The following CCDC14 variants were observed in gnomAD, a reference collection of about 807,000 sequenced individuals.
CCDC14 encodes the protein coiled-coil domain-containing protein 14.
Under a neutral mutation model 81.4 loss-of-function variants are expected in CCDC14, and 71 were observed. That is an observed-to-expected ratio of 0.87 (90% CI 0.72 to 1.06). The LOEUF (loss-of-function observed/expected upper bound fraction) is 1.06, where lower values mean the gene tolerates loss of function less well. Ranked by LOEUF, CCDC14 falls within the 50% of genes least tolerant of loss-of-function variation. The probability of loss-of-function intolerance (pLI) is 0.00; values close to 1 mark genes in which losing one functional copy is unlikely to be tolerated. For missense variants in CCDC14, 1,046 were observed against 1,047.3 expected (o/e 1.00, Z 0.02); for synonymous variants, 332 against 364.8 (o/e 0.91, Z 1.03).
intron 5 of CCDC14, among the ~76,000 whole-genome samples, chr3:123,902,513 G>A (rs921941676): frequency 6.6e-6 from 1 of 152,152 alleles, no homozygotes; most frequent in Non-Finnish European, 1.5e-5. Flanking sequence ...ACAATTCACA[G>A]GCAATAAGGA....
chr3:123,902,064 G>A (rs1282720278), intron 5 of CCDC14, among the ~76,000 whole-genome samples: 1 of 152,062 alleles, frequency 6.6e-6, no homozygotes, highest in African/African-American at 2.4e-5. Context: ...AATCATAACT[G>A]CAATGGATTC....
intron 2 of CCDC14, 27 bp from the exon 3 acceptor site, chr3:123,956,454 T>C (rs1249364434): frequency 2.7e-5 from 40 of 1,476,382 alleles, no homozygotes; most frequent in Non-Finnish European, 3.5e-5. Context: ...TTAATATTCT[T>C]ACAAATATTT....
the CCDC14 span, among the ~76,000 whole-genome samples, chr3:123,891,496 A>G: frequency 0.58 from 87,191 of 149,836 alleles, 25,234 homozygotes; most frequent in Admixed American, 0.63. Context: ...TAAATCATCT[A>G]TCTCAAGTTC....
chr3:123,904,235 A>G (rs1410077866), intron 5 of CCDC14, among the ~76,000 whole-genome samples: 3 of 152,104 alleles, frequency 2.0e-5, no homozygotes, highest in African/African-American at 7.2e-5. Context: ...AAATACAGAA[A>G]AGTTACATAT....
intron 12 of CCDC14, among the ~76,000 whole-genome samples, chr3:123,917,493 T>C (rs2148794599): frequency 7.0e-6 from 1 of 143,290 alleles, no homozygotes; most frequent in South Asian, 2.2e-4. Flanking sequence ...AAACTCCATC[T>C]CAACCAAAAA....
chr3:123,941,437 A>C (rs1301024614), intron 9 of CCDC14, among the ~76,000 whole-genome samples: 4 of 152,054 alleles, frequency 2.6e-5, no homozygotes, highest in Non-Finnish European at 5.9e-5. Flanking sequence ...CAGGAAAAAA[A>C]AAATACTTCT....
chr3:123,948,184 C>G (rs566587192), intron 7 of CCDC14, among the ~76,000 whole-genome samples: 1 of 151,750 alleles, frequency 6.6e-6, no homozygotes, highest in Admixed American at 6.6e-5. Context: ...GATCTCTTCC[C>G]CTCTTTCTCC....
At position 123,914,714 on chromosome 3, in the gene CCDC14, A is replaced by C; in HGVS notation, c.*65T>G. On this transcript the variant is annotated 3_prime_UTR_variant, in exon 13 of 13. Transcript: ENST00000409697. ...TAAAACATCATTTCACTAAAGAAAA[A>C]TACACATTCAATATAGCCAAGTTCT... The C allele has an allele frequency of 6.9e-7, 1 of 1,452,004 alleles. No individual in the cohort carries two copies. The highest frequency in any genetic ancestry group is 9.1e-7 in the Non-Finnish European group (1 of 1,103,326). 89.9% of individuals were successfully genotyped at this position (1,452,004 alleles called of 1,614,324 possible). A position where few individuals can be genotyped will look rare whatever the true frequency, so the allele number is the denominator to read the frequency against.
At chr3:123,956,477 ATTAG>A in intron 2 of CCDC14, 50 bp from the exon 3 acceptor site, 1 of 1,274,922 alleles carries the variant, frequency 7.8e-7, no homozygotes, top group Non-Finnish European at 1.1e-6. Flanking sequence ...CCCAAAATAT[ATTAG>A]TAAGTAGTCA....
At chr3:123,907,472 C>A (rs913411021) in intron 5 of CCDC14, among the ~76,000 whole-genome samples, 1 of 151,766 alleles carries the variant, frequency 6.6e-6, no homozygotes, top group African/African-American at 2.4e-5. Flanking sequence ...CATTGGGAGG[C>A]CAAGGCATGA....
At chr3:123,957,570 T>C (rs909784024) in intron 1 of CCDC14, 10 of 152,112 alleles carry the variant, frequency 6.6e-5, no homozygotes, top group African/African-American at 2.4e-4. Flanking sequence ...TTTCTTAAAC[T>C]TTTTTGTTTT....
chr3:123,924,955 AC>A, intron 12 of CCDC14, among the ~76,000 whole-genome samples: 1 of 68,602 alleles, frequency 1.5e-5, no homozygotes, highest in African/African-American at 1.2e-4. Context: ...ATACATATAT[AC>A]ACACACACAC....
At chr3:123,940,082 G>GAA (rs969847124) in intron 9 of CCDC14, among the ~76,000 whole-genome samples, 27 of 151,696 alleles carry the variant, frequency 1.8e-4, no homozygotes, top group Admixed American at 1.6e-3. Context: ...AAGAAGCTAA[G>GAA]GGTAGTAGGA....
intron 5 of CCDC14, among the ~76,000 whole-genome samples, chr3:123,898,316 A>G (rs1256813445): frequency 6.6e-6 from 1 of 152,284 alleles, no homozygotes; most frequent in Non-Finnish European, 1.5e-5. Flanking sequence ...TGTTTGACAC[A>G]GAATAATTGT....
Position 123,949,332 on chromosome 3 carries a change from C to T in CCDC14, c.353-200G>A, listed in dbSNP as rs2036870802. On this transcript the variant is annotated intron_variant, in intron 5 of 12. Coordinates refer to ENST00000409697, the MANE Select transcript of CCDC14 (RefSeq NM_001366335.1). ...TAATTAGTGTTTAAGTTTCCCCAGT[C>T]AAAAATCATCTATACTAATTCTTTA... The T allele has an allele frequency of 5.4e-6, 3 of 560,100 alleles. No individual in the cohort carries two copies. In the East Asian group the frequency reaches 8.6e-5, roughly 16 times the overall value. 34.7% of individuals were successfully genotyped at this position (560,100 alleles called of 1,614,324 possible).
intron 5 of CCDC14, 76 bp downstream of exon 5, chr3:123,955,767 T>C: frequency 1.6e-6 from 2 of 1,261,704 alleles, no homozygotes; most frequent in Non-Finnish European, 2.1e-6. Flanking sequence ...GAAAATCAAC[T>C]GTATAATCCT....
chr3:123,951,856 G>A (rs2037037848), intron 5 of CCDC14, among the ~76,000 whole-genome samples: 1 of 152,108 alleles, frequency 6.6e-6, no homozygotes, highest in South Asian at 2.1e-4. Flanking sequence ...GACATATTCT[G>A]CTCCTTTATA....
chr3:123,930,361 G>T (rs2035623044), intron 12 of CCDC14, among the ~76,000 whole-genome samples: 1 of 152,106 alleles, frequency 6.6e-6, no homozygotes, highest in Non-Finnish European at 1.5e-5. Context: ...TTTATATTTG[G>T]AACTTCTAGG....
intron 8 of CCDC14, among the ~76,000 whole-genome samples, chr3:123,945,886 T>C (rs1275670899): frequency 6.6e-6 from 1 of 152,108 alleles, no homozygotes; most frequent in Non-Finnish European, 1.5e-5. Flanking sequence ...ATCAGTAAAA[T>C]GGGAGTGGTA....
Sources: allele counts gnomAD v4.1 joint callset (sites outside exome capture counted in the v4.1 genomes callset), GRCh38; gene constraint gnomAD v4.1.1; transcripts MANE v1.5; gene names NCBI Gene and HGNC (gene_info 2026-07-23, HGNC 2026-07-21).